GAREM1: variants seen among roughly 807,000 people sequenced by gnomAD.
The protein encoded by GAREM1 is GRB2-associated and regulator of MAPK protein 1.
In GAREM1, 26 loss-of-function variants were observed where a neutral mutation model predicts 71.3. The observed-to-expected ratio is 0.36, with a 90% CI of 0.27 to 0.51. The LOEUF is 0.51. GAREM1 is among the 20% of genes least tolerant of loss of function. The pLI, the probability that GAREM1 is intolerant of heterozygous loss-of-function variation, is 0.95. For missense variants in GAREM1, 1,026 were observed against 1,103.1 expected, an observed-to-expected ratio of 0.93 and a Z score of 0.99; for synonymous variants, 440 against 433.2, an observed-to-expected ratio of 1.02 and a Z score of -0.20.
intron 2 of GAREM1, among the ~76,000 whole-genome samples, chr18:32,388,573 G>C (rs1439621715): frequency 2.0e-5 from 3 of 152,076 alleles, no homozygotes; most frequent in African/African-American, 7.2e-5. Context: ...CACCAATAAG[G>C]GGCAAAGGAC....
At chr18:32,453,501 G>C (rs998593533) in intron 1 of GAREM1, among the ~76,000 whole-genome samples, 2 of 152,042 alleles carry the variant, frequency 1.3e-5, no homozygotes, top group African/African-American at 4.8e-5. Flanking sequence ...TCCCTGCCTC[G>C]CCTAGCTTTT....
At position 32,270,300 on chromosome 18, in the gene GAREM1, A is replaced by G; in HGVS notation, c.1650T>C (p.Pro550=). The G allele has an allele frequency of 6.2e-7, 1 of 1,613,886 alleles. No homozygotes were observed. The highest frequency in any genetic ancestry group is 1.3e-5 in the African/African-American group (1 of 75,000). The change falls in exon 5 of 6, where the codon CCT becomes CCC. Residue 550 remains proline, a synonymous_variant. Transcript: ENST00000269209. ...GCCGCGCTGGCTTGACTGTGCGAGG[A>G]GGGATGGAGGGACTGGTGGACAAAG... ...AKPLSTSPSI[P]PRTVKPARQQ...
intron 2 of GAREM1, among the ~76,000 whole-genome samples, chr18:32,311,935 G>A (rs1013486058): frequency 6.6e-6 from 1 of 152,240 alleles, no homozygotes; most frequent in East Asian, 1.9e-4. Context: ...ACACCAGGTA[G>A]AAGGCTCCTA....
intron 2 of GAREM1, among the ~76,000 whole-genome samples, chr18:32,379,857 A>C (rs960586750): frequency 1.3e-5 from 2 of 152,196 alleles, no homozygotes; most frequent in African/African-American, 4.8e-5. Context: ...ACACCATTTA[A>C]AAATCACATG....
intron 2 of GAREM1, among the ~76,000 whole-genome samples, chr18:32,372,164 T>C (rs2047986453): frequency 6.6e-6 from 1 of 152,248 alleles, no homozygotes; most frequent in Non-Finnish European, 1.5e-5. Context: ...GATCTTTTCA[T>C]ATATTCTTCT....
intron 4 of GAREM1, among the ~76,000 whole-genome samples, chr18:32,284,181 T>C (rs897470055): frequency 6.6e-6 from 1 of 152,196 alleles, no homozygotes; most frequent in African/African-American, 2.4e-5. Context: ...ATTCATTTCA[T>C]GGTCACAGAA....
chr18:32,324,802 A>G (rs538249127), intron 2 of GAREM1, among the ~76,000 whole-genome samples: 1 of 152,370 alleles, frequency 6.6e-6, no homozygotes, highest in East Asian at 1.9e-4. Flanking sequence ...ACATGGGGGA[A>G]ACTTAAATGC....
At chr18:32,403,423 TTC>T (rs1325610440) in intron 1 of GAREM1, among the ~76,000 whole-genome samples, 1 of 152,140 alleles carries the variant, frequency 6.6e-6, no homozygotes, top group Admixed American at 6.6e-5. Flanking sequence ...AAAGGGACTG[TTC>T]TCTGTTTACA....
At chr18:32,284,024 C>T (rs768482260) in intron 4 of GAREM1, among the ~76,000 whole-genome samples, 10 of 152,240 alleles carry the variant, frequency 6.6e-5, no homozygotes, top group South Asian at 2.1e-4. Flanking sequence ...CTCATTCCAC[C>T]GGAACTATCC....
intron 1 of GAREM1, among the ~76,000 whole-genome samples, chr18:32,411,738 C>G (rs2048419719): frequency 1.3e-5 from 2 of 152,090 alleles, no homozygotes; most frequent in Admixed American, 6.5e-5. Context: ...TTTCCGAAGA[C>G]AATGGCTTCT....
chr18:32,270,266 G>A lies in GAREM1; in HGVS notation c.1684C>T (p.Arg562Cys), dbSNP rs374858159. The change falls in exon 5 of 6, where the codon CGC becomes TGC. Residue 562 changes from arginine (R) to cysteine (C), a missense_variant. Physicochemically the swap from Arg to Cys is radical, Grantham distance 180 (BLOSUM62 -3). Transcript: ENST00000269209. Reference protein sequence around the residue: ...RTVKPARQQTRSPSPTLSYYS... With the variant: ...RTVKPARQQTCSPSPTLSYYS... ...TAGGACAAGGTGGGGCTGGGAGAGCGAGTCTGTTGCCGCGCTGGCTTGACT... is the reference window on the plus strand; with the variant it reads ...TAGGACAAGGTGGGGCTGGGAGAGCAAGTCTGTTGCCGCGCTGGCTTGACT... 11 of 1,613,910 alleles carry A rather than the reference G, an allele frequency of 6.8e-6. No individual in the cohort carries two copies. The highest frequency in any genetic ancestry group is 1.3e-5 in the African/African-American group (1 of 74,928).
intron 1 of GAREM1, among the ~76,000 whole-genome samples, chr18:32,414,764 A>T (rs1340054696): frequency 6.6e-6 from 1 of 152,146 alleles, no homozygotes; most frequent in African/African-American, 2.4e-5. Context: ...TATATCAAAA[A>T]GGAAAAAAAC....
chr18:32,386,089 A>G (rs2048144832), intron 2 of GAREM1, among the ~76,000 whole-genome samples: 1 of 152,206 alleles, frequency 6.6e-6, no homozygotes, highest in Non-Finnish European at 1.5e-5. Flanking sequence ...ATTAGTTCTG[A>G]GGACTTTTGA....
At chr18:32,441,943 C>T (rs1029088745) in intron 1 of GAREM1, among the ~76,000 whole-genome samples, 4 of 152,144 alleles carry the variant, frequency 2.6e-5, no homozygotes, top group African/African-American at 7.2e-5. Flanking sequence ...AATACAACAC[C>T]GTGCAGCTGA....
Position 32,422,164 on chromosome 18 carries a change from G to C in GAREM1, c.122-29129C>G, listed in dbSNP as rs12607302. 4.9e-4 allele frequency among the ~76,000 whole-genome samples: 74 copies of C among 151,742 alleles called. No individual in the cohort carries two copies. In the East Asian group the frequency reaches 0.011, roughly 23 times the overall value. ...CTTCCCCAACCCCACAACAGGCCCT[G>C]GTGTGTGATGTTCCCCTTCCTGTGT... On this transcript the variant is annotated intron_variant, in intron 1 of 5. Transcript: ENST00000269209.
intron 3 of GAREM1, among the ~76,000 whole-genome samples, chr18:32,292,846 T>C (rs73421919): frequency 0.012 from 1,795 of 152,192 alleles, 42 homozygotes; most frequent in African/African-American, 0.036. Flanking sequence ...ATAATGCCAG[T>C]AGGGAAAAAA....
In GAREM1 at chr18:32,266,829, A is replaced by T. The variant is rs1391743945; in HGVS notation, c.*1042T>A. 6.6e-6 allele frequency: 1 copy of T among 152,218 alleles called. No homozygotes were observed. Among genetic ancestry groups the T allele is most frequent in the Non-Finnish European group, 1.5e-5 (1 of 68,038 alleles). The allele number at this position is 152,218 out of a possible 1,614,324, so 9.4% of individuals were successfully genotyped here. On this transcript the variant is annotated 3_prime_UTR_variant, in exon 6 of 6. Coordinates refer to ENST00000269209, the MANE Select transcript of GAREM1 (RefSeq NM_001242409.2). Reference sequence around the variant, plus strand: ...CAGACACCAGGGGAAGGAGACCCTTAAACCGGAGAATTATAATTCAACAGA... The same window carrying T: ...CAGACACCAGGGGAAGGAGACCCTTTAACCGGAGAATTATAATTCAACAGA...
intron 1 of GAREM1, among the ~76,000 whole-genome samples, chr18:32,429,268 A>G (rs1006965821): frequency 1.2e-4 from 18 of 152,184 alleles, no homozygotes; most frequent in South Asian, 4.2e-4. Context: ...TTTCTCCTAC[A>G]TTTTCCCAGT....
rs781709233 is a variant in GAREM1 at position 32,268,188 on chromosome 18, C to T, written c.2314G>A (p.Gly772Ser). 5.0e-6 allele frequency: 8 copies of T among 1,614,042 alleles called. No individual in the cohort carries two copies. The highest frequency in any genetic ancestry group is 5.9e-6 in the Non-Finnish European group (7 of 1,180,010). Residue 772 changes from glycine to serine, a missense_variant, in exon 6 of 6, where the codon GGC becomes AGC. Transcript: ENST00000269209. ...GAGGCAGAGAAGATGTCCTGCATGC[C>T]CTTTTTAACAAAATACTGGTCCTCC... ...LSEDQYFVKK[G>S]MQDIFSASYP... is the part of the protein sequence containing the mutation.
Sources: gnomAD v4.1 joint callset for allele counts (sites outside exome capture counted in the v4.1 genomes callset) on GRCh38, gnomAD v4.1.1 for gene constraint, MANE v1.5 for transcripts, NCBI Gene and HGNC (gene_info 2026-07-23, HGNC 2026-07-21) for gene names.